Variants in LUC7L3 observed in about 807,000 individuals in gnomAD.
LUC7L3 encodes the protein luc7-like protein 3.
Under a neutral mutation model 66.8 loss-of-function variants are expected in LUC7L3, and 6 were observed. That is an observed-to-expected ratio of 0.09 (90% confidence interval 0.05 to 0.18). The LOEUF (loss-of-function observed/expected upper bound fraction) is 0.18. Ranked by LOEUF, LUC7L3 falls within the 10% of genes least tolerant of loss-of-function variation. LUC7L3 has a pLI of 1.00. For synonymous variants in LUC7L3, 160 were observed against 174.7 expected (o/e 0.92, Z 0.66); for missense variants, 341 against 531.1 (o/e 0.64, Z 3.52).
chr17:50,729,532 A>G (rs954228185), intron 1 of LUC7L3, among the ~76,000 whole-genome samples: 4 of 152,190 alleles, frequency 2.6e-5, no homozygotes, highest in Admixed American at 2.6e-4. Flanking sequence ...CAAGGCAGGA[A>G]CTAACCCTGG....
intron 9 of LUC7L3, chr17:50,749,206 C>CAT (rs1481815337): frequency 7.8e-7 from 1 of 1,288,566 alleles, no homozygotes; most frequent in Non-Finnish European, 1.0e-6. Flanking sequence ...TAAGATCTAC[C>CAT]ATATTTACAT....
At chr17:50,739,288 A>G (rs907497006) in intron 2 of LUC7L3, among the ~76,000 whole-genome samples, 1 of 152,228 alleles carries the variant, frequency 6.6e-6, no homozygotes, top group African/African-American at 2.4e-5. Context: ...ATGATGTGAT[A>G]TATTTTGAGT....
intron 1 of LUC7L3, among the ~76,000 whole-genome samples, chr17:50,726,237 T>C (rs1969174929): frequency 6.6e-6 from 1 of 152,214 alleles, no homozygotes; most frequent in Admixed American, 6.5e-5. Flanking sequence ...AGTGGTGCCA[T>C]CTCGGCTCAC....
chr17:50,741,162 A>T lies in LUC7L3; in HGVS notation c.267A>T (p.Leu89Phe). Residue 89 changes from leucine (L) to phenylalanine (F), a missense_variant, in exon 4 of 10, where the codon TTA (leucine) becomes TTT (phenylalanine). Leu to Phe is a conservative substitution (Grantham distance 22, BLOSUM62 0). Coordinates refer to ENST00000505658, the MANE Select transcript of LUC7L3 (RefSeq NM_016424.5). ...ATGAGAGAGATTTTTTGCGATACTTACAGAGCTTACTTGCAGAAGTAGAAC... is the reference window on the plus strand; with the variant it reads ...ATGAGAGAGATTTTTTGCGATACTTTCAGAGCTTACTTGCAGAAGTAGAAC... ...VGYERDFLRY[L>F]QSLLAEVERR... The T allele has an allele frequency of 6.2e-7, 1 of 1,614,170 alleles. No individual in the cohort carries two copies.
At chr17:50,740,578 T>C (rs8071712) in intron 3 of LUC7L3, among the ~76,000 whole-genome samples, 12,890 of 152,126 alleles carry the variant, frequency 0.085, 696 homozygotes, top group Middle Eastern at 0.16. Context: ...CTGTTTTTTT[T>C]AAATGAGCCT....
chr17:50,749,576 CTG>C (rs529394187), intron 9 of LUC7L3, among the ~76,000 whole-genome samples: 136 of 152,328 alleles, frequency 8.9e-4, no homozygotes, highest in Middle Eastern at 3.4e-3. Context: ...GTCTTCATAA[CTG>C]TGCAGAAACT....
At chr17:50,736,726 A>AT in intron 1 of LUC7L3, 1 of 424,180 alleles carries the variant, frequency 2.4e-6, no homozygotes, top group Non-Finnish European at 4.2e-6. Context: ...GCAGGTGATG[A>AT]TTAAAAATAG....
chr17:50,733,552 C>G (rs1055526871), intron 1 of LUC7L3, among the ~76,000 whole-genome samples: 1 of 152,094 alleles, frequency 6.6e-6, no homozygotes, highest in Non-Finnish European at 1.5e-5. Context: ...CAGGCGGCCG[C>G]TACCACGCCT....
Position 50,755,105 on chromosome 17 carries a change from G to C in LUC7L3, c.*4444G>C, listed in dbSNP as rs758779969. On this transcript the variant is annotated 3_prime_UTR_variant, in exon 10 of 10. Transcript: ENST00000505658. ...GATTGGTTTTCAAGTTTGATTTCCT[G>C]AGGGATTTTTTAGTTGTTTGTGAAA... The C allele has an allele frequency of 2.0e-5, 3 of 152,072 alleles. No individual in the cohort carries two copies. Among genetic ancestry groups the C allele is most frequent in the Non-Finnish European group, 4.4e-5 (3 of 68,026 alleles). 9.4% of individuals were successfully genotyped at this position (152,072 alleles called of 1,614,324 possible).
intron 1 of LUC7L3, among the ~76,000 whole-genome samples, chr17:50,725,325 G>A (rs928545329): frequency 2.0e-5 from 3 of 152,158 alleles, no homozygotes; most frequent in Admixed American, 6.5e-5. Flanking sequence ...AAGGAGAATC[G>A]CTTGAACCCG....
At chr17:50,741,906 G>C (rs1423348341) in intron 5 of LUC7L3, among the ~76,000 whole-genome samples, 175 bp downstream of exon 5, 1 of 151,912 alleles carries the variant, frequency 6.6e-6, no homozygotes, top group Non-Finnish European at 1.5e-5. Flanking sequence ...GCAACAAAGT[G>C]AGACCCAGTC....
chr17:50,746,665 T>A lies in LUC7L3; in HGVS notation c.1101T>A (p.Ser367Arg). The change falls in exon 9 of 10, where the codon AGT becomes AGA. Residue 367 changes from serine (S) to arginine (R), a missense_variant. Around this residue, in one of 6 missense-constraint regions of LUC7L3, gnomAD observed 210 missense variants for 238.1 expected, o/e 0.88. Transcript: ENST00000505658. ...AGTCATATAAGCACAGGAGCAAAAGTCGGGACAGAGAACAAGATAGAAAAT... is the reference window on the plus strand; with the variant it reads ...AGTCATATAAGCACAGGAGCAAAAGACGGGACAGAGAACAAGATAGAAAAT... ...DRKSYKHRSK[S>R]RDREQDRKSK... 6.2e-7 allele frequency: 1 copy of A among 1,613,956 alleles called. No homozygotes were observed. The highest frequency in any genetic ancestry group is 1.1e-5 in the South Asian group (1 of 91,070).
At position 50,752,397 on chromosome 17, in the gene LUC7L3, A is replaced by G. The variant is rs1240074435; in HGVS notation, c.*1736A>G. 6.8e-6 allele frequency: 2 copies of G among 292,150 alleles called. No individual in the cohort carries two copies. The highest frequency in any genetic ancestry group is 5.9e-6 in the Non-Finnish European group (1 of 168,366). The allele number at this position is 292,150 out of a possible 1,614,324, so 18.1% of individuals were successfully genotyped here. A position where few individuals can be genotyped will look rare whatever the true frequency, so the allele number is the denominator to read the frequency against. ...AGATTTCAGAACATGTGTTAATAGT[A>G]TATATGCCACTGAAAACTTAGGTCC... On this transcript the variant is annotated 3_prime_UTR_variant, in exon 10 of 10. Coordinates refer to ENST00000505658, the MANE Select transcript of LUC7L3 (RefSeq NM_016424.5).
chr17:50,755,590 C>T lies in LUC7L3; in HGVS notation c.*4929C>T, dbSNP rs1263941069. The T allele has an allele frequency of 6.6e-6, 1 of 152,166 alleles. No individual in the cohort carries two copies. Among genetic ancestry groups the T allele is most frequent in the Non-Finnish European group, 1.5e-5 (1 of 68,036 alleles). 9.4% of individuals were successfully genotyped at this position (152,166 alleles called of 1,614,324 possible). On this transcript the variant is annotated 3_prime_UTR_variant, in exon 10 of 10. Transcript: ENST00000505658. ...AGCTGATCTATTTCTTCCCCTCAGCCATCCCAAATAGGTCATTTGTCAACA... is the reference window on the plus strand; with the variant it reads ...AGCTGATCTATTTCTTCCCCTCAGCTATCCCAAATAGGTCATTTGTCAACA...
At chr17:50,720,509 T>A (rs1036826164) in intron 1 of LUC7L3, among the ~76,000 whole-genome samples, 1 of 152,246 alleles carries the variant, frequency 6.6e-6, no homozygotes, top group African/African-American at 2.4e-5. Context: ...CCCAAAGTCT[T>A]GGCAACTGAG....
At chr17:50,738,459 A>G (rs959484564) in intron 2 of LUC7L3, among the ~76,000 whole-genome samples, 3 of 152,252 alleles carry the variant, frequency 2.0e-5, no homozygotes, top group Non-Finnish European at 4.4e-5. Context: ...AAAGCAGAAG[A>G]GAGATTCTTC....
chr17:50,729,894 CATTATATATA>C (rs1361146618), intron 1 of LUC7L3, among the ~76,000 whole-genome samples: 1 of 103,290 alleles, frequency 9.7e-6, no homozygotes, highest in Non-Finnish European at 1.8e-5. Flanking sequence ...AATATAAATA[CATTATATATA>C]TATATATATA....
intron 1 of LUC7L3, among the ~76,000 whole-genome samples, chr17:50,728,698 C>T (rs1157849529): frequency 6.6e-6 from 1 of 152,228 alleles, no homozygotes; most frequent in South Asian, 2.1e-4. Flanking sequence ...GAACTACAGG[C>T]GTGTGCCTCC....
intron 1 of LUC7L3, among the ~76,000 whole-genome samples, chr17:50,733,398 G>GTTT (rs35236108): frequency 0.017 from 1,680 of 98,200 alleles, 125 homozygotes; most frequent in East Asian, 0.14. Context: ...CGCCTGGCTA[G>GTTT]TTTTTTTTTT....
Sources: gnomAD v4.1 joint callset for allele counts (sites outside exome capture counted in the v4.1 genomes callset) on GRCh38, gnomAD v4.1.1 for gene constraint, gnomAD v4.1.1 regional missense constraint, MANE v1.5 for transcripts, NCBI Gene and HGNC (gene_info 2026-07-23, HGNC 2026-07-21) for gene names.